IL34: variants seen among roughly 807,000 people sequenced by gnomAD.
The protein encoded by IL34 is interleukin-34.
A neutral mutation model predicts 25.3 loss-of-function variants in IL34; 17 were observed. The observed-to-expected ratio is 0.67, with a 90% confidence interval of 0.46 to 1.01. The LOEUF (loss-of-function observed/expected upper bound fraction) is 1.01, where lower values mean the gene tolerates loss of function less well. Among genes scored for constraint, IL34 ranks in the 50% least tolerant of loss-of-function variants. The pLI is 0.00. For synonymous variants in IL34, 174 were observed against 140.9 expected (o/e 1.23, Z -1.66); for missense variants, 368 against 312.9 (o/e 1.18, Z -1.33).
chr16:70,657,867 C>T (rs1567468743), intron 4 of IL34, among the ~76,000 whole-genome samples: 1 of 152,148 alleles, frequency 6.6e-6, no homozygotes, highest in African/African-American at 2.4e-5. Flanking sequence ...AACTGTACAA[C>T]AGAGAGTGTG....
rs796272792 is a variant in IL34, at chr16:70,594,953, CTCT to C, written c.-401+14906_-401+14908del. ...TCAATTTATCTCTCTCTCTCTCTCT[CTCT>C]TTTTTTTTTTTTTTCTGAGACAGAG... On this transcript the variant is annotated intron_variant, in intron 1 of 6. Transcript: ENST00000429149. Among the ~76,000 whole-genome samples the C allele has an allele frequency of 1.4e-3, 194 of 137,812 alleles. 1 individual carries two copies. The highest frequency in any genetic ancestry group is 5.0e-3 in the African/African-American group (144 of 29,020). 90.4% of individuals were successfully genotyped at this position (137,812 alleles called of 152,430 possible).
chr16:70,595,128 T>C (rs1326645135), intron 1 of IL34, among the ~76,000 whole-genome samples: 1 of 151,860 alleles, frequency 6.6e-6, no homozygotes, highest in African/African-American at 2.4e-5. Flanking sequence ...CTAATTTTTT[T>C]TCTGGTATTT....
chr16:70,652,420 T>C (rs1306383070), intron 1 of IL34, among the ~76,000 whole-genome samples: 1 of 151,988 alleles, frequency 6.6e-6, no homozygotes, highest in Non-Finnish European at 1.5e-5. Flanking sequence ...ATGGTGCCAC[T>C]GCACCTGTCT....
intron 2 of IL34, among the ~76,000 whole-genome samples, chr16:70,656,187 C>T (rs1332916771): frequency 1.3e-5 from 2 of 152,172 alleles, no homozygotes; most frequent in South Asian, 2.1e-4. Flanking sequence ...CCTCTCTGCA[C>T]AGGACCACCT....
intron 1 of IL34, among the ~76,000 whole-genome samples, chr16:70,597,047 G>C (rs1372595994): frequency 6.6e-6 from 1 of 152,166 alleles, no homozygotes; most frequent in East Asian, 1.9e-4. Flanking sequence ...CACTTGAGCA[G>C]CTCAGGTGGG....
chr16:70,650,051 G>A (rs926320596), intron 1 of IL34, among the ~76,000 whole-genome samples: 17 of 152,116 alleles, frequency 1.1e-4, no homozygotes, highest in Admixed American at 3.3e-4. Context: ...CGCCCACCTC[G>A]GCCTTCCAAA....
At chr16:70,596,552 A>G (rs2050826175) in intron 1 of IL34, among the ~76,000 whole-genome samples, 1 of 152,174 alleles carries the variant, frequency 6.6e-6, no homozygotes, top group African/African-American at 2.4e-5. Context: ...GGCGTTGGGC[A>G]CACTGGCATC....
intron 1 of IL34, among the ~76,000 whole-genome samples, chr16:70,584,000 A>G: frequency 6.6e-6 from 1 of 151,954 alleles, no homozygotes. Flanking sequence ...GTTCTGTACA[A>G]TGTTTCTGGA....
In IL34 at chr16:70,657,050, G is replaced by A. The variant is rs763895154; in HGVS notation, c.331G>A (p.Glu111Lys). 1.5e-5 allele frequency: 24 copies of A among 1,612,754 alleles called. No homozygotes were observed. In the Admixed American group the frequency reaches 2.7e-4, roughly 18 times the overall value. Residue 111 changes from glutamate to lysine, a missense_variant, in exon 4 of 6, where the codon GAG becomes AAG. Coordinates refer to ENST00000288098, the MANE Select transcript of IL34 (RefSeq NM_001393494.1). ...TGAGTCGGTGCAGGACGTGCTGCTC[G>A]AGGGCCACCCATCCTGGAAGTACCT... is the stretch of plus-strand genomic sequence containing the variant. Reference protein sequence around the residue: ...ATESVQDVLLEGHPSWKYLQE... With the variant: ...ATESVQDVLLKGHPSWKYLQE...
chr16:70,587,769 C>A (rs544971803), intron 1 of IL34, among the ~76,000 whole-genome samples: 1 of 151,982 alleles, frequency 6.6e-6, no homozygotes, highest in Non-Finnish European at 1.5e-5. Flanking sequence ...CCGGGCGCAG[C>A]GGCTCATGCC....
chr16:70,604,302 C>T (rs912084402), intron 1 of IL34, among the ~76,000 whole-genome samples: 3 of 152,104 alleles, frequency 2.0e-5, no homozygotes, highest in Non-Finnish European at 4.4e-5. Context: ...GCTTGTGTGC[C>T]CAAGACTGTA....
chr16:70,653,559 G>A (rs2052135441), intron 1 of IL34, among the ~76,000 whole-genome samples: 1 of 151,976 alleles, frequency 6.6e-6, no homozygotes, highest in Non-Finnish European at 1.5e-5. Flanking sequence ...ATTAGCAGGC[G>A]TAGTAGCATG....
rs1253810022 is a variant in IL34 at position 70,599,305 on chromosome 16, C to CTTTTCTTTCTTTCTTTCTTTCTTCT, written c.-401+19258_-401+19259insTTCTTTCTTTCTTTCTTTCTTCTTT. Among the ~76,000 whole-genome samples, 138 of 60,310 alleles carry CTTTTCTTTCTTTCTTTCTTTCTTCT rather than the reference C, an allele frequency of 2.3e-3. 4 individuals are homozygous for CTTTTCTTTCTTTCTTTCTTTCTTCT. The East Asian group carries it at 0.038, about 16-fold the overall frequency. The allele number at this position is 60,310 out of a possible 152,430, so 39.6% of individuals were successfully genotyped here. A position where few individuals can be genotyped will look rare whatever the true frequency, so the allele number is the denominator to read the frequency against. On this transcript the variant is annotated intron_variant, in intron 1 of 6. Coordinates refer to the IL34 transcript ENST00000429149. Reference sequence around the variant, plus strand: ...TCTTTCTTTCTTTCTTCTTTCTTTCCTTCTTTCTTTCTTTTCTTTCTTTCT... The same window carrying CTTTTCTTTCTTTCTTTCTTTCTTCT: ...TCTTTCTTTCTTTCTTCTTTCTTTCCTTTTCTTTCTTTCTTTCTTTCTTCTTTCTTTCTTTCTTTTCTTTCTTTCT...
chr16:70,646,366 A>G (rs2051928993), upstream of IL34, among the ~76,000 whole-genome samples: 1 of 152,154 alleles, frequency 6.6e-6, no homozygotes, highest in South Asian at 2.1e-4. Flanking sequence ...TGGTGTCATC[A>G]TAACTCACTC....
intron 1 of IL34, among the ~76,000 whole-genome samples, chr16:70,639,022 G>A (rs1293778711): frequency 6.6e-6 from 1 of 152,214 alleles, no homozygotes; most frequent in Non-Finnish European, 1.5e-5. Flanking sequence ...TGCTGACTAA[G>A]GCGTTGCCCT....
At chr16:70,603,349 G>A (rs141767246) in intron 1 of IL34, among the ~76,000 whole-genome samples, 1,794 of 151,954 alleles carry the variant, frequency 0.012, 42 homozygotes, top group African/African-American at 0.041. Context: ...GTGCGATCTC[G>A]GCTCACCGCA....
intron 1 of IL34, among the ~76,000 whole-genome samples, chr16:70,635,960 T>A (rs890770658): frequency 6.6e-6 from 1 of 151,402 alleles, no homozygotes; most frequent in Non-Finnish European, 1.5e-5. Context: ...CAAAAGAGGA[T>A]CCTCACCTTG....
intron 1 of IL34, among the ~76,000 whole-genome samples, chr16:70,615,374 G>T (rs1324120776): frequency 6.6e-6 from 1 of 152,100 alleles, no homozygotes; most frequent in Non-Finnish European, 1.5e-5. Flanking sequence ...GGGCGTGGTG[G>T]TGCTCACCTG....
At chr16:70,597,312 C>T (rs898060667) in intron 1 of IL34, among the ~76,000 whole-genome samples, 14 of 152,124 alleles carry the variant, frequency 9.2e-5, no homozygotes, top group Admixed American at 2.6e-4. Context: ...CCTTGAGCTC[C>T]TGGGCTTAAG....
Sources: gnomAD v4.1 joint callset for allele counts (sites outside exome capture counted in the v4.1 genomes callset) on GRCh38, gnomAD v4.1.1 for gene constraint, MANE v1.5 for transcripts, NCBI Gene and HGNC (gene_info 2026-07-23, HGNC 2026-07-21) for gene names.